SLC7A2: variants seen among roughly 807,000 people sequenced by gnomAD.
SLC7A2 encodes the protein cationic amino acid transporter 2.
In SLC7A2, 48 loss-of-function variants were observed where a neutral mutation model predicts 58.9. The observed-to-expected ratio is 0.82, with a 90% CI of 0.65 to 1.04. The LOEUF (loss-of-function observed/expected upper bound fraction) is 1.04. Ranked by LOEUF, SLC7A2 falls within the 50% of genes least tolerant of loss-of-function variation. The probability of loss-of-function intolerance (pLI) is 0.00; values close to 1 mark genes in which losing one functional copy is unlikely to be tolerated. For missense variants in SLC7A2, 1,029 were observed against 818.8 expected, an observed-to-expected ratio of 1.26 and a Z score of -3.13; for synonymous variants, 363 against 314.5, an observed-to-expected ratio of 1.15 and a Z score of -1.63.
chr8:17,546,290 G>A (rs1802169905), intron 4 of SLC7A2, among the ~76,000 whole-genome samples: 1 of 152,218 alleles, frequency 6.6e-6, no homozygotes, highest in African/African-American at 2.4e-5. Context: ...CATTTGTCCT[G>A]TGTTCATTCA....
chr8:17,551,756 T>G lies in SLC7A2; in HGVS notation c.833-8T>G. Reference sequence around the variant, plus strand: ...AAGCATACACATCTTTTGTTTATATTTCCTTAGGTGAAGAAGTTCGGAATC... The same window carrying G: ...AAGCATACACATCTTTTGTTTATATGTCCTTAGGTGAAGAAGTTCGGAATC... On this transcript the variant is annotated splice_polypyrimidine_tract_variant and splice_region_variant and intron_variant, in intron 6 of 12. Coordinates refer to ENST00000494857, the MANE Select transcript of SLC7A2 (RefSeq NM_001370338.1). 1 of 1,601,122 alleles carries G rather than the reference T, an allele frequency of 6.2e-7. No homozygotes were observed. The highest frequency in any genetic ancestry group is 1.1e-5 in the South Asian group (1 of 90,844).
chr8:17,523,145 A>G (rs1200562773), intron 2 of SLC7A2, among the ~76,000 whole-genome samples: 1 of 152,186 alleles, frequency 6.6e-6, no homozygotes, highest in Non-Finnish European at 1.5e-5. Context: ...ATCCTGGAAC[A>G]TAAATTTAAA....
chr8:17,547,278 A>G (rs1158470937), intron 4 of SLC7A2, among the ~76,000 whole-genome samples: 2 of 152,162 alleles, frequency 1.3e-5, no homozygotes, highest in African/African-American at 4.8e-5. Context: ...GAGCATGTGC[A>G]GGGGAACTGC....
chr8:17,541,992 A>C (rs1016222349), intron 2 of SLC7A2, among the ~76,000 whole-genome samples: 1 of 147,940 alleles, frequency 6.8e-6, no homozygotes, highest in Non-Finnish European at 1.5e-5. Flanking sequence ...CCATTTTTAA[A>C]AGAACATAGA....
chr8:17,505,403 C>A lies in SLC7A2; in HGVS notation c.-23+3101C>A, dbSNP rs556950362. On this transcript the variant is annotated intron_variant, in intron 2 of 12. Coordinates refer to ENST00000494857, the MANE Select transcript of SLC7A2 (RefSeq NM_001370338.1). The stretch of plus-strand genomic sequence containing the variant: ...CCTCCAAGTTGGGGCTGAGAACTGG[C>A]CCAGAGGTAGATGTGGCAGTTGGGG... Among the ~76,000 whole-genome samples the A allele has an allele frequency of 9.9e-4, 150 of 152,258 alleles. 2 individuals are homozygous for A. Among genetic ancestry groups the A allele is most frequent in the African/African-American group, 3.5e-3 (146 of 41,558 alleles).
At chr8:17,501,948 C>G (rs34719327) in intron 1 of SLC7A2, among the ~76,000 whole-genome samples, 1 of 151,340 alleles carries the variant, frequency 6.6e-6, no homozygotes, top group South Asian at 2.1e-4. Flanking sequence ...CAATACACAA[C>G]AAAGAATTTG....
At chr8:17,512,777 A>C (rs1004170034) in intron 2 of SLC7A2, among the ~76,000 whole-genome samples, 2 of 152,144 alleles carry the variant, frequency 1.3e-5, no homozygotes, top group Non-Finnish European at 2.9e-5. Context: ...TGTACCGTTT[A>C]ATCAGTTTCC....
At chr8:17,555,241 A>G (rs1407661943) in intron 8 of SLC7A2, among the ~76,000 whole-genome samples, 1 of 152,190 alleles carries the variant, frequency 6.6e-6, no homozygotes, top group African/African-American at 2.4e-5. Flanking sequence ...ACATGTGAAA[A>G]TTGTGGTGGC....
intron 2 of SLC7A2, among the ~76,000 whole-genome samples, chr8:17,531,186 A>C (rs1442482804): frequency 6.6e-6 from 1 of 152,216 alleles, no homozygotes; most frequent in Non-Finnish European, 1.5e-5. Flanking sequence ...TGAAGGTCAG[A>C]TGAAACTCCT....
At chr8:17,498,288 G>A (rs929539891) in intron 1 of SLC7A2, among the ~76,000 whole-genome samples, 2 of 152,102 alleles carry the variant, frequency 1.3e-5, no homozygotes, top group Non-Finnish European at 1.5e-5. Context: ...GGCCGCCTGG[G>A]TTATAAAATT....
Position 17,551,925 on chromosome 8 carries a change from G to A in SLC7A2, c.994G>A (p.Val332Met). 6.2e-7 allele frequency: 1 copy of A among 1,614,006 alleles called. No individual in the cohort carries two copies. Among genetic ancestry groups the A allele is most frequent in the Non-Finnish European group, 8.5e-7 (1 of 1,180,006 alleles). ...CCCCCTTCCTGTAGCGTTTGAATATGTGGGATGGGGTCCTGCCAAATATGT... is the reference window on the plus strand; with the variant it reads ...CCCCCTTCCTGTAGCGTTTGAATATATGGGATGGGGTCCTGCCAAATATGT... ...KSPLPVAFEY[V>M]GWGPAKYVVA... Residue 332 changes from valine to methionine, a missense_variant, in exon 7 of 13, where the codon GTG becomes ATG. Physicochemically the swap from Val to Met is conservative, Grantham distance 21. Transcript: ENST00000494857.
rs756715323 is a variant in SLC7A2, at chr8:17,543,504, C to T, written c.165C>T (p.Leu55=). Residue 55 remains leucine, a synonymous_variant, in exon 3 of 13, where the codon CTC becomes CTT. Coordinates refer to ENST00000494857, the MANE Select transcript of SLC7A2 (RefSeq NM_001370338.1). Reference sequence around the variant, plus strand: ...CCCTTGGGGCCGGGGTTTATGTCCTCGCTGGGGAGGTGGCCAAGGCAGACT... The same window carrying T: ...CCCTTGGGGCCGGGGTTTATGTCCTTGCTGGGGAGGTGGCCAAGGCAGACT... ...GSTLGAGVYV[L]AGEVAKADSG... is the part of the protein sequence containing the mutation. 41 of 1,613,842 alleles carry T rather than the reference C, an allele frequency of 2.5e-5. No homozygotes were observed. The highest frequency in any genetic ancestry group is 1.4e-4 in the South Asian group (13 of 91,046).
Position 17,560,382 on chromosome 8 carries a change from T to A in SLC7A2, c.1353T>A (p.Gly451=), listed in dbSNP as rs1373574955. Residue 451 remains glycine, a synonymous_variant, in exon 10 of 13, where the codon GGT becomes GGA. Coordinates refer to ENST00000494857, the MANE Select transcript of SLC7A2 (RefSeq NM_001370338.1). ...CCAAATGTTCTCCTGAGAAAGATGGTCTGGGATCGTCTCCCAGGGTAACCT... is the reference window on the plus strand; with the variant it reads ...CCAAATGTTCTCCTGAGAAAGATGGACTGGGATCGTCTCCCAGGGTAACCT... ...DQPKCSPEKD[G]LGSSPRVTSK... 3 of 1,614,026 alleles carry A rather than the reference T, an allele frequency of 1.9e-6. No homozygotes were observed. Among genetic ancestry groups the A allele is most frequent in the East Asian group, 2.2e-5 (1 of 44,892 alleles).
At chr8:17,513,029 A>G (rs1401145210) in intron 2 of SLC7A2, among the ~76,000 whole-genome samples, 1 of 152,116 alleles carries the variant, frequency 6.6e-6, no homozygotes, top group East Asian at 1.9e-4. Flanking sequence ...TTATTAGTCC[A>G]TTTCTCCATG....
intron 12 of SLC7A2, among the ~76,000 whole-genome samples, 191 bp from the exon 13 acceptor site, chr8:17,564,759 C>A (rs1357448650): frequency 6.6e-6 from 1 of 152,126 alleles, no homozygotes; most frequent in East Asian, 1.9e-4. Flanking sequence ...ACTGCTTGCT[C>A]ACTTCCTGTT....
At chr8:17,541,099 A>T (rs532364567) in intron 2 of SLC7A2, among the ~76,000 whole-genome samples, 83 of 152,252 alleles carry the variant, frequency 5.5e-4, no homozygotes, top group Non-Finnish European at 9.6e-4. Context: ...GTTTCTGAGC[A>T]CTTTTCAGTT....
intron 2 of SLC7A2, among the ~76,000 whole-genome samples, chr8:17,531,111 T>C (rs1253866831): frequency 1.3e-5 from 2 of 152,132 alleles, no homozygotes; most frequent in East Asian, 1.9e-4. Context: ...TTCCTGGAAA[T>C]GGTGTAATTC....
chr8:17,533,492 T>C (rs1030295316), intron 2 of SLC7A2, among the ~76,000 whole-genome samples: 42 of 152,198 alleles, frequency 2.8e-4, no homozygotes, highest in African/African-American at 1.0e-3. Context: ...ACAAAAGTGA[T>C]TGAATTCTAA....
intron 2 of SLC7A2, among the ~76,000 whole-genome samples, chr8:17,541,443 A>G (rs983146994): frequency 2.6e-5 from 4 of 152,236 alleles, no homozygotes; most frequent in Non-Finnish European, 5.9e-5. Flanking sequence ...GTGAAGTGCC[A>G]TGCTTTGGCA....
Sources: gnomAD v4.1 joint callset for allele counts (sites outside exome capture counted in the v4.1 genomes callset) on GRCh38, gnomAD v4.1.1 for gene constraint, MANE v1.5 for transcripts, NCBI Gene and HGNC (gene_info 2026-07-23, HGNC 2026-07-21) for gene names.